The following SIDT1 variants were observed in gnomAD, a reference collection of about 807,000 sequenced individuals.
SIDT1 encodes SID1 transmembrane family member 1.
Under a neutral mutation model 107.5 loss-of-function variants are expected in SIDT1, and 101 were observed. The observed-to-expected ratio is 0.94, with a 90% CI of 0.80 to 1.11. The LOEUF is 1.11. SIDT1 is among the 50% of genes least tolerant of loss of function. The pLI is 0.00. For synonymous variants in SIDT1, 395 were observed against 398.2 expected, an observed-to-expected ratio of 0.99 and a Z score of 0.10; for missense variants, 1,076 against 1,058.2, an observed-to-expected ratio of 1.02 and a Z score of -0.23.
In SIDT1 at chr3:113,581,392, A is replaced by G; in HGVS notation, c.695A>G (p.Glu232Gly). ...CPVYDLDHNVEFNGVYQSMTK... is the reference protein window; with the variant it reads ...CPVYDLDHNVGFNGVYQSMTK... ...GTGTATGATCTCGACCACAATGTGGAATTTAATGGTGTCTATCAGTCCATG... is the reference window on the plus strand; with the variant it reads ...GTGTATGATCTCGACCACAATGTGGGATTTAATGGTGTCTATCAGTCCATG... The change falls in exon 6 of 25, where the codon GAA (glutamate) becomes GGA (glycine). Residue 232 changes from glutamate to glycine, a missense_variant. Physicochemically the swap from Glu to Gly is moderately conservative, Grantham distance 98. Coordinates refer to ENST00000264852, the MANE Select transcript of SIDT1 (RefSeq NM_017699.3). The G allele has an allele frequency of 6.2e-7, 1 of 1,613,664 alleles. No homozygotes were observed. Among genetic ancestry groups the G allele is most frequent in the Non-Finnish European group, 8.5e-7 (1 of 1,179,834 alleles).
downstream of SIDT1, among the ~76,000 whole-genome samples, chr3:113,633,637 T>C (rs142270929): frequency 8.5e-5 from 13 of 152,286 alleles, no homozygotes; most frequent in East Asian, 2.3e-3. Flanking sequence ...CTTTGAGTAA[T>C]GGAAGTTAAG....
Position 113,566,505 on chromosome 3 carries a change from T to G in SIDT1, c.308T>G (p.Val103Gly). The change falls in exon 2 of 25, where the codon GTG (valine) becomes GGG (glycine). Residue 103 changes from valine (V) to glycine (G), a missense_variant. Physicochemically the swap from Val to Gly is moderately radical, Grantham distance 109 (BLOSUM62 -3). Transcript: ENST00000264852. Reference protein sequence around the residue: ...VLVVVRQQKEVLSWQVPLLFQ... With the variant: ...VLVVVRQQKEGLSWQVPLLFQ... ...GTTGTGGTTCGCCAGCAGAAAGAGG[T>G]GCTGTCCTGGCAGGTTCCTCTGCTC... is the stretch of plus-strand genomic sequence containing the variant. 6.2e-7 allele frequency: 1 copy of G among 1,614,134 alleles called. No homozygotes were observed. The highest frequency in any genetic ancestry group is 8.5e-7 in the Non-Finnish European group (1 of 1,180,014).
intron 1 of SIDT1, among the ~76,000 whole-genome samples, chr3:113,535,024 G>A (rs998656714): frequency 4.6e-5 from 7 of 152,202 alleles, no homozygotes; most frequent in African/African-American, 1.7e-4. Context: ...TGTAATCCCA[G>A]CACTCTGGAG....
intron 21 of SIDT1, among the ~76,000 whole-genome samples, chr3:113,621,657 C>T (rs1330837128): frequency 6.6e-6 from 1 of 152,158 alleles, no homozygotes; most frequent in Non-Finnish European, 1.5e-5. Flanking sequence ...TTAACTACTG[C>T]AAAGGTATCC....
chr3:113,584,977 C>T (rs1287786683), intron 8 of SIDT1, among the ~76,000 whole-genome samples, 200 bp from the exon 9 acceptor site: 1 of 152,168 alleles, frequency 6.6e-6, no homozygotes, highest in Non-Finnish European at 1.5e-5. Flanking sequence ...TTCCCAGCTT[C>T]TACTGGGAAG....
intron 10 of SIDT1, among the ~76,000 whole-genome samples, chr3:113,597,938 G>A (rs1576905643): frequency 6.6e-6 from 1 of 152,164 alleles, no homozygotes; most frequent in African/African-American, 2.4e-5. Flanking sequence ...GACCATACTT[G>A]ACGTTTAGAA....
intron 1 of SIDT1, among the ~76,000 whole-genome samples, chr3:113,556,463 C>T (rs1940867215): frequency 6.6e-6 from 1 of 151,138 alleles, no homozygotes; most frequent in Non-Finnish European, 1.5e-5. Flanking sequence ...ATACAACGGT[C>T]ACTGGACTCT....
intron 1 of SIDT1, among the ~76,000 whole-genome samples, chr3:113,556,368 C>T (rs868803020): frequency 2.0e-5 from 3 of 151,948 alleles, no homozygotes; most frequent in Admixed American, 6.6e-5. Context: ...TGGGATGAAA[C>T]GCTCCATATA....
Position 113,627,677 on chromosome 3 carries a change from T to C in SIDT1, c.2453T>C (p.Val818Ala). ...VLLTLDDDLD[V>A]VRRDQIPVF Reference sequence around the variant, plus strand: ...TTAACTTTGGATGATGACCTTGATGTGGTTCGGAGAGACCAGATCCCTGTC... The same window carrying C: ...TTAACTTTGGATGATGACCTTGATGCGGTTCGGAGAGACCAGATCCCTGTC... The change falls in exon 25 of 25, where the codon GTG (valine) becomes GCG (alanine). Residue 818 changes from valine (V) to alanine (A), a missense_variant. By Grantham distance (64) the Val-to-Ala change is moderately conservative (BLOSUM62 0). Transcript: ENST00000264852. The C allele has an allele frequency of 6.2e-7, 1 of 1,613,956 alleles. No homozygotes were observed. Among genetic ancestry groups the C allele is most frequent in the Non-Finnish European group, 8.5e-7 (1 of 1,180,034 alleles).
intron 1 of SIDT1, among the ~76,000 whole-genome samples, chr3:113,558,283 A>G (rs928196091): frequency 1.3e-5 from 2 of 152,232 alleles, no homozygotes; most frequent in African/African-American, 4.8e-5. Context: ...AGTATAGAAA[A>G]TAATGTAACA....
chr3:113,635,094 A>C, the SIDT1 span, among the ~76,000 whole-genome samples: 1 of 152,240 alleles, frequency 6.6e-6, no homozygotes. Flanking sequence ...TTTAAATTAA[A>C]ACGTGCAGCA....
intron 14 of SIDT1, 142 bp from the exon 15 acceptor site, chr3:113,606,899 C>G: frequency 1.7e-6 from 1 of 578,210 alleles, no homozygotes; most frequent in Non-Finnish European, 3.2e-6. Flanking sequence ...CAGATAATGG[C>G]CCATCTGTGC....
At chr3:113,559,630 G>T (rs1941236840) in intron 1 of SIDT1, among the ~76,000 whole-genome samples, 1 of 151,848 alleles carries the variant, frequency 6.6e-6, no homozygotes, top group Non-Finnish European at 1.5e-5. Context: ...TTTAAATAGA[G>T]ACAGAGGTTT....
rs200043650 is a variant in SIDT1, at chr3:113,604,879, T to G, written c.1338-31T>G. ...AAAGACTCCACTGTTCATTTGAAAA[T>G]AAGCATTTCTGGTTCTTTCTGCCTG... On this transcript the variant is annotated intron_variant, in intron 13 of 24. Coordinates refer to ENST00000264852, the MANE Select transcript of SIDT1 (RefSeq NM_017699.3). 1,354 of 1,612,486 alleles carry G rather than the reference T, an allele frequency of 8.4e-4. 2 individuals carry two copies. The highest frequency in any genetic ancestry group is 4.6e-3 in the South Asian group (418 of 91,060).
chr3:113,548,059 A>C (rs1484266908), intron 1 of SIDT1, among the ~76,000 whole-genome samples: 1 of 152,060 alleles, frequency 6.6e-6, no homozygotes, highest in Non-Finnish European at 1.5e-5. Context: ...TTGGACCTTC[A>C]AGAGCATAAA....
At chr3:113,590,398 G>A (rs138241585) in intron 9 of SIDT1, among the ~76,000 whole-genome samples, 1 of 152,190 alleles carries the variant, frequency 6.6e-6, no homozygotes, top group Admixed American at 6.5e-5. Context: ...CTCATTTTGA[G>A]AGAATAATTC....
Position 113,623,995 on chromosome 3 carries a change from G to C in SIDT1, c.2307+262G>C, listed in dbSNP as rs148847739. Among the ~76,000 whole-genome samples the C allele has an allele frequency of 7.9e-5, 12 of 152,320 alleles. No individual in the cohort carries two copies. In the East Asian group the frequency reaches 2.3e-3, roughly 29 times the overall value. On this transcript the variant is annotated intron_variant, in intron 23 of 24. Coordinates refer to ENST00000264852, the MANE Select transcript of SIDT1 (RefSeq NM_017699.3). ...ATGTTGTATTACGACGCTGGTCCCA[G>C]TGGATGCTTAACGCGGTCAAAAGCC...
intron 2 of SIDT1, 83 bp from the exon 3 acceptor site, chr3:113,567,457 T>G: frequency 2.8e-5 from 33 of 1,169,882 alleles, no homozygotes; most frequent in Non-Finnish European, 3.4e-5. Flanking sequence ...AGAAGCAAAA[T>G]GAGATAGGCT....
intron 5 of SIDT1, 85 bp from the exon 6 acceptor site, chr3:113,581,276 G>A (rs1193494388): frequency 3.6e-6 from 4 of 1,114,790 alleles, no homozygotes; most frequent in Non-Finnish European, 5.4e-6. Context: ...GATCCAAGCA[G>A]AAAGATGCTG....
Sources: allele counts gnomAD v4.1 joint callset (sites outside exome capture counted in the v4.1 genomes callset), GRCh38; gene constraint gnomAD v4.1.1; transcripts MANE v1.5; gene names NCBI Gene and HGNC (gene_info 2026-07-23, HGNC 2026-07-21).